Variants in UPF2 observed in about 807,000 individuals in gnomAD.
UPF2 encodes the protein UPF2 regulator of nonsense mediated mRNA decay.
In UPF2, 17 loss-of-function variants were observed where a neutral mutation model predicts 141.4. The observed-to-expected ratio is 0.12, with a 90% CI of 0.08 to 0.18. The LOEUF (loss-of-function observed/expected upper bound fraction) is 0.18. Ranked by LOEUF, UPF2 falls within the 10% of genes least tolerant of loss-of-function variation. The probability of loss-of-function intolerance (pLI) is 1.00; values close to 1 mark genes in which losing one functional copy is unlikely to be tolerated. For missense variants in UPF2, 1,152 were observed against 1,515.9 expected (o/e 0.76, Z 3.99); for synonymous variants, 540 against 498.0 (o/e 1.08, Z -1.12).
intron 18 of UPF2, among the ~76,000 whole-genome samples, chr10:11,942,343 A>G (rs572086583): frequency 6.8e-4 from 103 of 152,340 alleles, no homozygotes; most frequent in Non-Finnish European, 1.3e-3. Flanking sequence ...ACTGCACTCC[A>G]GCCTGGGCAA....
At chr10:11,985,538 G>T (rs1267188809) in intron 8 of UPF2, among the ~76,000 whole-genome samples, 1 of 151,324 alleles carries the variant, frequency 6.6e-6, no homozygotes, top group African/African-American at 2.4e-5. Flanking sequence ...TCGGGAGGCT[G>T]AGGCAGGAGA....
intron 11 of UPF2, among the ~76,000 whole-genome samples, chr10:11,962,112 C>T (rs1390374880): frequency 1.3e-5 from 2 of 152,210 alleles, no homozygotes; most frequent in Non-Finnish European, 2.9e-5. Flanking sequence ...CACTCGTACA[C>T]AGATAATCCA....
At position 12,019,370 on chromosome 10, in the gene UPF2, T is replaced by A. The variant is rs1203375894; in HGVS notation, c.1146-5186A>T. On this transcript the variant is annotated intron_variant, in intron 3 of 21. Coordinates refer to ENST00000357604, the MANE Select transcript of UPF2 (RefSeq NM_015542.4). This position sits in a 1 kb window ranked among gnomAD's most constrained non-coding sequence, Gnocchi z 4.5. ...TTTCATGCTTCCCAAAACATTCTAC[T>A]TTTGACTATTTTTCAACCATTTAAA... is the stretch of plus-strand genomic sequence containing the variant. Among the ~76,000 whole-genome samples the A allele has an allele frequency of 6.6e-6, 1 of 152,246 alleles. No individual in the cohort carries two copies. The highest frequency in any genetic ancestry group is 1.5e-5 in the Non-Finnish European group (1 of 68,046).
At chr10:12,000,951 T>C (rs1373203752) in intron 6 of UPF2, among the ~76,000 whole-genome samples, 1 of 152,222 alleles carries the variant, frequency 6.6e-6, no homozygotes, top group Non-Finnish European at 1.5e-5. Context: ...ACTGATAAGC[T>C]AGTCATATTC....
intron 16 of UPF2, among the ~76,000 whole-genome samples, chr10:11,945,084 A>G (rs1283071324): frequency 1.3e-5 from 2 of 152,266 alleles, no homozygotes; most frequent in African/African-American, 2.4e-5. Context: ...TACTGCTATT[A>G]TAAGAATGAA....
chr10:12,026,873 A>G lies in UPF2; in HGVS notation c.1145+1872T>C, dbSNP rs570447916. On this transcript the variant is annotated intron_variant, in intron 3 of 21. Coordinates refer to ENST00000357604, the MANE Select transcript of UPF2 (RefSeq NM_015542.4). Reference sequence around the variant, plus strand: ...TCACCATGTTGGCCAGGCTGGTCTCAAACTCCTGACCTCAGATGATCCACC... The same window carrying G: ...TCACCATGTTGGCCAGGCTGGTCTCGAACTCCTGACCTCAGATGATCCACC... 7.2e-5 allele frequency among the ~76,000 whole-genome samples: 11 copies of G among 152,066 alleles called. No homozygotes were observed. In the East Asian group the frequency reaches 7.7e-4, roughly 11 times the overall value.
At chr10:11,971,315 C>T (rs926631247) in intron 9 of UPF2, among the ~76,000 whole-genome samples, 49 of 150,822 alleles carry the variant, frequency 3.2e-4, no homozygotes, top group African/African-American at 1.1e-3. Flanking sequence ...AGTGCAACGG[C>T]GCAATCTCGG....
chr10:11,920,971 C>T lies in UPF2; in HGVS notation c.*327G>A, dbSNP rs1248775131. 2 of 589,596 alleles carry T rather than the reference C, an allele frequency of 3.4e-6. No homozygotes were observed. Among genetic ancestry groups the T allele is most frequent in the East Asian group, 8.4e-5 (2 of 23,828 alleles). 36.5% of individuals were successfully genotyped at this position (589,596 alleles called of 1,614,324 possible). On this transcript the variant is annotated 3_prime_UTR_variant, in exon 22 of 22. Coordinates refer to ENST00000357604, the MANE Select transcript of UPF2 (RefSeq NM_015542.4). ...CAACCCGTTTCTTCTCTGGCTCAATCATCTCCTTCACGCTCTCCTTGGTGT... is the reference window on the plus strand; with the variant it reads ...CAACCCGTTTCTTCTCTGGCTCAATTATCTCCTTCACGCTCTCCTTGGTGT...
intron 4 of UPF2, among the ~76,000 whole-genome samples, chr10:12,008,144 A>G (rs1386827750): frequency 6.6e-6 from 1 of 151,946 alleles, no homozygotes; most frequent in Non-Finnish European, 1.5e-5. Context: ...CAGCCTCCCA[A>G]GTGCTTTTAT....
chr10:11,932,369 A>G (rs546644859), intron 19 of UPF2, among the ~76,000 whole-genome samples: 221 of 152,298 alleles, frequency 1.5e-3, no homozygotes, highest in African/African-American at 5.2e-3. Flanking sequence ...ATAAAACATT[A>G]TAAAGAAAAT....
At chr10:11,973,162 G>A (rs942291594) in intron 9 of UPF2, among the ~76,000 whole-genome samples, 1 of 152,126 alleles carries the variant, frequency 6.6e-6, no homozygotes, top group African/African-American at 2.4e-5. Context: ...TCATGTGTCT[G>A]TTGGCTGCAT....
chr10:11,920,885 G>C lies in UPF2; in HGVS notation c.*413C>G, dbSNP rs1226927574. On this transcript the variant is annotated 3_prime_UTR_variant, in exon 22 of 22. Transcript: ENST00000357604. ...TCCAACGTGGGATGTTCAATTCAGAGACACTGAAACTCAAATCAAGTTTAA... is the reference window on the plus strand; with the variant it reads ...TCCAACGTGGGATGTTCAATTCAGACACACTGAAACTCAAATCAAGTTTAA... 1 of 406,900 alleles carries C rather than the reference G, an allele frequency of 2.5e-6. No homozygotes were observed. The highest frequency in any genetic ancestry group is 2.0e-5 in the African/African-American group (1 of 48,872). The allele number at this position is 406,900 out of a possible 1,614,324, so 25.2% of individuals were successfully genotyped here.
At position 12,029,190 on chromosome 10, in the gene UPF2, C is replaced by T. The variant is rs1834471827; in HGVS notation, c.700G>A (p.Ala234Thr). 2 of 1,614,188 alleles carry T rather than the reference C, an allele frequency of 1.2e-6. No homozygotes were observed. The highest frequency in any genetic ancestry group is 4.5e-5 in the East Asian group (2 of 44,892). ...TGAAGAAGTGATGGGGCAAAGTCAG[C>T]ATAACGCTGGTGAAAGAGAGAGCAG... ...HLCSLFHQRYADFAPSLLQVW... is the reference protein window; with the variant it reads ...HLCSLFHQRYTDFAPSLLQVW... The change falls in exon 3 of 22, where the codon GCT (alanine) becomes ACT (threonine). Residue 234 changes from alanine (A) to threonine (T), a missense_variant. Physicochemically the swap from Ala to Thr is moderately conservative, Grantham distance 58. Transcript: ENST00000357604.
intron 14 of UPF2, among the ~76,000 whole-genome samples, chr10:11,954,563 G>A (rs1397423146): frequency 6.6e-6 from 1 of 150,810 alleles, no homozygotes; most frequent in Non-Finnish European, 1.5e-5. Flanking sequence ...GAACCTGAGA[G>A]GTGGAGGCTG....
chr10:11,993,655 T>G (rs1833818917), intron 8 of UPF2, among the ~76,000 whole-genome samples: 1 of 151,484 alleles, frequency 6.6e-6, no homozygotes, highest in Admixed American at 6.6e-5. Flanking sequence ...ACAAAGGAAA[T>G]AAAACTAAAA....
At position 11,979,712 on chromosome 10, in the gene UPF2, C is replaced by T. The variant is rs1230982453; in HGVS notation, c.1845-547G>A. Among the ~76,000 whole-genome samples, 1 of 152,126 alleles carries T rather than the reference C, an allele frequency of 6.6e-6. No individual in the cohort carries two copies. Among genetic ancestry groups the T allele is most frequent in the African/African-American group, 2.4e-5 (1 of 41,420 alleles). Reference sequence around the variant, plus strand: ...ATGAGGTAAAGAGATCAAGACTATCCTGGCTAACACGGTGAAACCCCGTCT... The same window carrying T: ...ATGAGGTAAAGAGATCAAGACTATCTTGGCTAACACGGTGAAACCCCGTCT... On this transcript the variant is annotated intron_variant, in intron 8 of 21. Transcript: ENST00000357604. The surrounding 1 kb of genome is among the most constrained non-coding windows in gnomAD (Gnocchi z 6.2).
chr10:11,979,030 T>C lies in UPF2; in HGVS notation c.1953+27A>G. Reference sequence around the variant, plus strand: ...CACTCAACGTATAAGAATATAAATATTTCAAAATAAATGCTTAAATACATA... The same window carrying C: ...CACTCAACGTATAAGAATATAAATACTTCAAAATAAATGCTTAAATACATA... On this transcript the variant is annotated intron_variant, in intron 9 of 21. Transcript: ENST00000357604. This position sits in a 1 kb window ranked among gnomAD's most constrained non-coding sequence, Gnocchi z 6.2. The C allele has an allele frequency of 6.5e-7, 1 of 1,541,470 alleles. No individual in the cohort carries two copies. Among genetic ancestry groups the C allele is most frequent in the Non-Finnish European group, 8.9e-7 (1 of 1,118,080 alleles).
chr10:12,036,989 G>C (rs1053155765), intron 1 of UPF2, among the ~76,000 whole-genome samples: 2 of 152,058 alleles, frequency 1.3e-5, no homozygotes, highest in Non-Finnish European at 1.5e-5. Context: ...CACGCCATTG[G>C]ACTCCAGCCT....
chr10:12,035,306 C>T lies in UPF2; in HGVS notation c.118G>A (p.Asp40Asn), dbSNP rs749516306. 24 of 1,613,892 alleles carry T rather than the reference C, an allele frequency of 1.5e-5. No individual in the cohort carries two copies. Among genetic ancestry groups the T allele is most frequent in the East Asian group, 1.3e-4 (6 of 44,892 alleles). Residue 40 changes from aspartate (D) to asparagine (N), a missense_variant, in exon 2 of 22, where the codon GAT becomes AAT. Transcript: ENST00000357604. ...TVSSKERPKD[D>N]IKLTAKKEVS... ...TCCTTCTTGGCAGTGAGCTTGATAT[C>T]GTCTTTTGGCCTCTCCTTGCTGCTC...
Sources: allele counts gnomAD v4.1 joint callset (sites outside exome capture counted in the v4.1 genomes callset), GRCh38; gene constraint gnomAD v4.1.1; non-coding constraint Gnocchi (gnomAD v3.1); transcripts MANE v1.5; gene names NCBI Gene and HGNC (gene_info 2026-07-23, HGNC 2026-07-21).